Variants in CCNB3 observed in about 807,000 individuals in gnomAD.
The protein encoded by CCNB3 is cyclin B3.
In CCNB3, 12 loss-of-function variants were observed where a neutral mutation model predicts 68.0. That is an observed-to-expected ratio of 0.18 (90% CI 0.11 to 0.29). The LOEUF (loss-of-function observed/expected upper bound fraction) is 0.29, where lower values mean the gene tolerates loss of function less well. CCNB3 is among the 10% of genes least tolerant of loss of function. The probability of loss-of-function intolerance (pLI) is 1.00; values close to 1 mark genes in which losing one functional copy is unlikely to be tolerated. For missense variants in CCNB3, 904 were observed against 993.1 expected, an observed-to-expected ratio of 0.91 and a Z score of 1.21; for synonymous variants, 354 against 388.9, an observed-to-expected ratio of 0.91 and a Z score of 1.06.
chrX:50,287,898 T>C (rs1484252663), intron 3 of CCNB3, among the ~76,000 whole-genome samples: 1 of 110,157 alleles, frequency 9.1e-6, no homozygotes, highest in East Asian at 2.8e-4. Flanking sequence ...TCATATTACT[T>C]CCTGAGCTCC....
intron 5 of CCNB3, among the ~76,000 whole-genome samples, chrX:50,308,170 A>G (rs1363544012): frequency 1.8e-5 from 2 of 112,422 alleles, no homozygotes; most frequent in Admixed American, 1.9e-4. Flanking sequence ...GCAGCTAGTG[A>G]AGGAGACTGA....
chrX:50,213,198 A>G (rs1935510830), intron 1 of CCNB3, among the ~76,000 whole-genome samples: 1 of 112,072 alleles, frequency 8.9e-6, no homozygotes, highest in Non-Finnish European at 1.9e-5. Flanking sequence ...TCTTAACAAT[A>G]TTAAGTAAGC....
chrX:50,346,277 C>T (rs1184226613), intron 9 of CCNB3, among the ~76,000 whole-genome samples: 3 of 112,348 alleles, frequency 2.7e-5, no homozygotes, highest in African/African-American at 9.7e-5. Flanking sequence ...GCTCCCATTT[C>T]TGTGGCTTCC....
chrX:50,289,093 A>C (rs1295463517), intron 4 of CCNB3, among the ~76,000 whole-genome samples: 1 of 112,002 alleles, frequency 8.9e-6, no homozygotes, highest in Admixed American at 9.5e-5. Context: ...CTCTGGAAGC[A>C]GCAGACAGTG....
At chrX:50,279,446 A>T (rs1936042606) in intron 1 of CCNB3, among the ~76,000 whole-genome samples, 1 of 71,142 alleles carries the variant, frequency 1.4e-5, no homozygotes, top group Non-Finnish European at 2.6e-5. Context: ...ATATATATAA[A>T]TATATAAATA....
intron 8 of CCNB3, among the ~76,000 whole-genome samples, chrX:50,324,556 T>C (rs1270242741): frequency 8.9e-6 from 1 of 112,389 alleles, no homozygotes; most frequent in Non-Finnish European, 1.9e-5. Context: ...AAAATCCTCT[T>C]TGTCTTTTCA....
chrX:50,219,811 G>T (rs1837645550), intron 1 of CCNB3, among the ~76,000 whole-genome samples: 1 of 111,691 alleles, frequency 9.0e-6, no homozygotes. Context: ...TGTGAAGAAA[G>T]TCAATGGTAA....
chrX:50,207,721 ACT>A (rs1293674837), intron 1 of CCNB3, among the ~76,000 whole-genome samples: 1 of 111,412 alleles, frequency 9.0e-6, no homozygotes, highest in African/African-American at 3.3e-5. Flanking sequence ...TTTATTAGCT[ACT>A]CTGTTATTTT....
chrX:50,304,341 T>G (rs1302496248), intron 5 of CCNB3, among the ~76,000 whole-genome samples: 2 of 111,718 alleles, frequency 1.8e-5, no homozygotes, highest in African/African-American at 6.5e-5. Context: ...ATATAAATTT[T>G]AGAATCAGCT....
intron 1 of CCNB3, among the ~76,000 whole-genome samples, chrX:50,223,860 G>T (rs912647717): frequency 0.014 from 1,544 of 111,882 alleles, 9 homozygotes; most frequent in Middle Eastern, 0.041. Context: ...CTGAAGCTGT[G>T]CCCACAGCTG....
intron 1 of CCNB3, among the ~76,000 whole-genome samples, chrX:50,218,907 T>G (rs2146984551): frequency 8.9e-6 from 1 of 111,853 alleles, no homozygotes; most frequent in African/African-American, 3.2e-5. Flanking sequence ...TGTAAAAGTG[T>G]TCCTATTTCA....
rs1446333532 is a variant in CCNB3, at chrX:50,313,742, A to G, written c.3424-114A>G. 38 of 523,971 alleles carry G rather than the reference A, an allele frequency of 7.3e-5. 1 individual carries two copies. The highest frequency in any genetic ancestry group is 9.5e-5 in the Non-Finnish European group (30 of 315,445). The allele number at this position is 523,971 out of a possible 1,213,427, so 43.2% of individuals were successfully genotyped here. On this transcript the variant is annotated intron_variant, in intron 7 of 12. Coordinates refer to ENST00000376042, the MANE Select transcript of CCNB3 (RefSeq NM_033031.3). ...AGGATACTTTGATCTGCCCCTCTCT[A>G]ATACCAGTTGAAAACAAGGAGTTAG... is the stretch of plus-strand genomic sequence containing the variant.
At chrX:50,284,043 A>C (rs895499347) in intron 1 of CCNB3, among the ~76,000 whole-genome samples, 34 of 111,224 alleles carry the variant, frequency 3.1e-4, no homozygotes, top group Admixed American at 9.7e-4. Context: ...CTATCAAAAT[A>C]CTTCAGGAAT....
At chrX:50,333,328 C>T (rs1922695745) in intron 8 of CCNB3, among the ~76,000 whole-genome samples, 1 of 111,672 alleles carries the variant, frequency 9.0e-6, no homozygotes, top group African/African-American at 3.3e-5. Context: ...AGAGTAAGTA[C>T]ACACACGAAC....
intron 9 of CCNB3, among the ~76,000 whole-genome samples, chrX:50,343,933 T>C (rs73495698): frequency 0.024 from 2,677 of 111,877 alleles, 74 homozygotes; most frequent in African/African-American, 0.084. Context: ...TTATAAAGTC[T>C]ATGGTAGTGT....
Position 50,346,705 on chromosome X carries a change from T to C in CCNB3, c.3708T>C (p.Tyr1236=). The C allele has an allele frequency of 8.3e-7, 1 of 1,211,330 alleles. No homozygotes were observed. Among genetic ancestry groups the C allele is most frequent in the Non-Finnish European group, 1.1e-6 (1 of 895,036 alleles). ...DDFVYICDDN[Y]QRSEVLSMEI... ...TTGTGTACATCTGTGATGATAATTA[T>C]CAGCGATCTGAGGTACTCAGCATGG... The change falls in exon 10 of 13, where the codon TAT becomes TAC. Residue 1236 remains tyrosine, a synonymous_variant. Transcript: ENST00000376042.
chrX:50,221,355 A>G (rs1177339096), intron 1 of CCNB3, among the ~76,000 whole-genome samples: 1 of 110,485 alleles, frequency 9.1e-6, no homozygotes, highest in African/African-American at 3.3e-5. Context: ...AGTTCTTTTC[A>G]TTGTGATGTT....
intron 1 of CCNB3, among the ~76,000 whole-genome samples, chrX:50,214,885 G>A (rs1479237753): frequency 9.5e-6 from 1 of 105,318 alleles, no homozygotes; most frequent in Non-Finnish European, 1.9e-5. Context: ...TTGTATTTTC[G>A]TTTTCATTCA....
At chrX:50,226,395 A>G (rs1935800877) in intron 1 of CCNB3, among the ~76,000 whole-genome samples, 1 of 62,793 alleles carries the variant, frequency 1.6e-5, no homozygotes, top group Non-Finnish European at 2.5e-5. Context: ...TATAGAATAT[A>G]TATAAAAATA....
Sources: gnomAD v4.1 joint callset for allele counts (sites outside exome capture counted in the v4.1 genomes callset) on GRCh38, gnomAD v4.1.1 for gene constraint, MANE v1.5 for transcripts, NCBI Gene and HGNC (gene_info 2026-07-23, HGNC 2026-07-21) for gene names.